The following EXOC4 variants were observed in gnomAD, a reference collection of about 807,000 sequenced individuals.
The protein encoded by EXOC4 is SEC8-like 1.
A neutral mutation model predicts 107.2 loss-of-function variants in EXOC4; 71 were observed. The ratio of observed to expected loss-of-function variants is 0.66; its 90% CI spans 0.55 to 0.81. The LOEUF (loss-of-function observed/expected upper bound fraction) is 0.81, where lower values mean the gene tolerates loss of function less well. EXOC4 is among the 30% of genes least tolerant of loss of function. The pLI, the probability that EXOC4 is intolerant of heterozygous loss-of-function variation, is 0.00. For synonymous variants in EXOC4, 456 were observed against 441.2 expected, an observed-to-expected ratio of 1.03 and a Z score of -0.42; for missense variants, 1,108 against 1,189.6, an observed-to-expected ratio of 0.93 and a Z score of 1.01.
At chr7:134,042,482 A>C (rs979282004) in intron 17 of EXOC4, among the ~76,000 whole-genome samples, 1 of 152,184 alleles carries the variant, frequency 6.6e-6, no homozygotes, top group Non-Finnish European at 1.5e-5. Flanking sequence ...GCTAGGAAAA[A>C]AAAAAAAAGG....
At chr7:133,407,731 C>A (rs1316769174) in intron 7 of EXOC4, among the ~76,000 whole-genome samples, 2 of 152,094 alleles carry the variant, frequency 1.3e-5, no homozygotes, top group East Asian at 3.9e-4. Flanking sequence ...ACCTATGGAC[C>A]ATTTCTCCTT....
chr7:133,803,824 C>A (rs1373152361), intron 10 of EXOC4, among the ~76,000 whole-genome samples: 1 of 152,094 alleles, frequency 6.6e-6, no homozygotes, highest in African/African-American at 2.4e-5. Context: ...TACTAAAAGT[C>A]TTTAATTCCT....
intron 11 of EXOC4, among the ~76,000 whole-genome samples, chr7:133,822,494 A>G (rs1415837747): frequency 2.0e-5 from 3 of 152,222 alleles, no homozygotes; most frequent in African/African-American, 7.2e-5. Flanking sequence ...TTCTTCCTCT[A>G]TCACCAATGG....
intron 7 of EXOC4, among the ~76,000 whole-genome samples, chr7:133,407,435 A>C (rs1168278378): frequency 1.3e-5 from 2 of 152,160 alleles, no homozygotes; most frequent in Non-Finnish European, 2.9e-5. Flanking sequence ...ACATGTTTTG[A>C]GAATGACTTT....
At chr7:133,688,285 G>A (rs1794349119) in intron 10 of EXOC4, among the ~76,000 whole-genome samples, 1 of 152,140 alleles carries the variant, frequency 6.6e-6, no homozygotes, top group African/African-American at 2.4e-5. Flanking sequence ...ATTTCATTAT[G>A]TTCATATCTA....
chr7:133,706,605 A>G (rs917452922), intron 10 of EXOC4, among the ~76,000 whole-genome samples: 5 of 152,352 alleles, frequency 3.3e-5, no homozygotes, highest in Non-Finnish European at 7.3e-5. Flanking sequence ...CACCCAGTAC[A>G]TCCAAAATAC....
intron 11 of EXOC4, among the ~76,000 whole-genome samples, chr7:133,835,469 G>T (rs1797899545): frequency 6.6e-6 from 1 of 152,172 alleles, no homozygotes; most frequent in Admixed American, 6.5e-5. Flanking sequence ...AGAGACAAAG[G>T]GTTGCATTCT....
intron 14 of EXOC4, among the ~76,000 whole-genome samples, chr7:133,993,048 G>A (rs896177062): frequency 3.3e-5 from 5 of 151,886 alleles, no homozygotes; most frequent in Admixed American, 6.6e-5. Flanking sequence ...GTGATGTATC[G>A]CATTTATTGA....
At chr7:133,889,691 C>T (rs1471846102) in intron 11 of EXOC4, among the ~76,000 whole-genome samples, 3 of 88,034 alleles carry the variant, frequency 3.4e-5, no homozygotes, top group African/African-American at 1.4e-4. Context: ...TTTGTTCTTG[C>T]GATAGTTTAC....
intron 1 of EXOC4, among the ~76,000 whole-genome samples, chr7:133,259,232 C>CTTTT (rs1160021022): frequency 1.5e-5 from 2 of 129,566 alleles, no homozygotes; most frequent in South Asian, 2.5e-4. Flanking sequence ...AGTTTAATTT[C>CTTTT]TTTTTTTTTT....
intron 5 of EXOC4, among the ~76,000 whole-genome samples, chr7:133,354,989 G>A (rs574695061): frequency 9.9e-5 from 15 of 152,248 alleles, no homozygotes; most frequent in Non-Finnish European, 1.0e-4. Flanking sequence ...CCTTAAGAGC[G>A]TTTTATAAGC....
At chr7:133,532,711 AT>A (rs1379264650) in intron 9 of EXOC4, among the ~76,000 whole-genome samples, 1 of 152,060 alleles carries the variant, frequency 6.6e-6, no homozygotes, top group East Asian at 1.9e-4. Flanking sequence ...AAATAAATAA[AT>A]TATTTATTCC....
At chr7:133,390,708 A>G (rs748712145) in intron 7 of EXOC4, among the ~76,000 whole-genome samples, 2 of 152,212 alleles carry the variant, frequency 1.3e-5, no homozygotes, top group African/African-American at 4.8e-5. Context: ...CAGAGACTAC[A>G]GAGAATGTGG....
At chr7:133,724,731 C>G (rs1291449037) in intron 10 of EXOC4, among the ~76,000 whole-genome samples, 1 of 152,080 alleles carries the variant, frequency 6.6e-6, no homozygotes, top group Non-Finnish European at 1.5e-5. Flanking sequence ...TGAGCAGAGG[C>G]CAAAAGAAAT....
At chr7:134,002,257 C>T (rs1794546499) in intron 15 of EXOC4, among the ~76,000 whole-genome samples, 3 of 152,264 alleles carry the variant, frequency 2.0e-5, no homozygotes, top group Middle Eastern at 6.8e-3. Flanking sequence ...GAGCAGTAGT[C>T]AAGATACTTG....
intron 10 of EXOC4, among the ~76,000 whole-genome samples, chr7:133,735,395 A>G (rs1795423676): frequency 6.6e-6 from 1 of 151,870 alleles, no homozygotes; most frequent in Non-Finnish European, 1.5e-5. Context: ...CCTCTACTAG[A>G]TGACTTACAA....
chr7:133,480,014 C>G (rs1799115673), intron 8 of EXOC4, 36 bp from the exon 9 acceptor site: 1 of 1,562,016 alleles, frequency 6.4e-7, no homozygotes, highest in East Asian at 2.2e-5. Context: ...AATTGGTTTA[C>G]ACCTGCTTGT....
At chr7:133,616,816 A>G (rs1446608685) in intron 9 of EXOC4, among the ~76,000 whole-genome samples, 1 of 152,200 alleles carries the variant, frequency 6.6e-6, no homozygotes, top group Admixed American at 6.5e-5. Flanking sequence ...TAATTGGACT[A>G]TCTACTTGAA....
chr7:133,288,450 G>C lies in EXOC4; in HGVS notation c.277-472G>C, dbSNP rs141385181. On this transcript the variant is annotated intron_variant, in intron 2 of 17. Coordinates refer to ENST00000253861, the MANE Select transcript of EXOC4 (RefSeq NM_021807.4). ...GGAAGCTGGGGTTACTTTTATTTTA[G>C]TTAGGTTGAGCACTCTGTTTCTTGG... Among the ~76,000 whole-genome samples, 89 of 152,230 alleles carry C rather than the reference G, an allele frequency of 5.8e-4. No homozygotes were observed. In the East Asian group the frequency reaches 0.017, roughly 28 times the overall value.
Sources: allele counts gnomAD v4.1 joint callset (sites outside exome capture counted in the v4.1 genomes callset), GRCh38; gene constraint gnomAD v4.1.1; transcripts MANE v1.5; gene names NCBI Gene and HGNC (gene_info 2026-07-23, HGNC 2026-07-21).